SCN10A: variants seen among roughly 807,000 people sequenced by gnomAD.
SCN10A encodes the protein sodium voltage-gated channel alpha subunit 10.
In SCN10A, 162 loss-of-function variants were observed where a neutral mutation model predicts 170.7. The ratio of observed to expected loss-of-function variants is 0.95; its 90% CI spans 0.84 to 1.08. The LOEUF is 1.08. SCN10A is among the 50% of genes least tolerant of loss of function. SCN10A has a pLI of 0.00. For missense variants in SCN10A, 2,527 were observed against 2,436.9 expected, an observed-to-expected ratio of 1.04 and a Z score of -0.78; for synonymous variants, 985 against 904.6, an observed-to-expected ratio of 1.09 and a Z score of -1.59.
At chr3:38,781,341 T>C (rs1039988739) in intron 4 of SCN10A, among the ~76,000 whole-genome samples, 128 of 152,168 alleles carry the variant, frequency 8.4e-4, no homozygotes, top group Non-Finnish European at 7.6e-4. Context: ...AGCAAAGCCA[T>C]TACATCTGAG....
At chr3:38,728,482 A>C in intron 16 of SCN10A, 60 bp downstream of exon 16, 4 of 1,475,494 alleles carry the variant, frequency 2.7e-6, no homozygotes, top group Non-Finnish European at 3.6e-6. Flanking sequence ...TTTTTCAGAT[A>C]ACCCAGAAGC....
intron 2 of SCN10A, among the ~76,000 whole-genome samples, chr3:38,793,066 C>T (rs2126061013): frequency 6.6e-6 from 1 of 151,844 alleles, no homozygotes; most frequent in South Asian, 2.1e-4. Context: ...TGTATACACA[C>T]ATATATACAT....
chr3:38,742,377 A>G lies in SCN10A; in HGVS notation c.2020T>C (p.Cys674Arg), dbSNP rs774892364. 1.2e-6 allele frequency: 2 copies of G among 1,614,198 alleles called. No individual in the cohort carries two copies. Among genetic ancestry groups the G allele is most frequent in the Non-Finnish European group, 8.5e-7 (1 of 1,180,016 alleles). The change falls in exon 14 of 28, where the codon TGC (cysteine) becomes CGC (arginine). Residue 674 changes from cysteine (C) to arginine (R), a missense_variant. Physicochemically the swap from Cys to Arg is radical, Grantham distance 180. Transcript: ENST00000449082. ...DPFAELTITL[C>R]IVVNTIFMAM... is the part of the protein sequence containing the mutation. ...ATGAAGATGGTGTTCACCACGATGC[A>G]CAAGGTGATGGTGAGCTCTGCAAAG...
intron 3 of SCN10A, among the ~76,000 whole-genome samples, chr3:38,790,701 A>C (rs1481468416): frequency 6.6e-6 from 1 of 152,060 alleles, no homozygotes; most frequent in African/African-American, 2.4e-5. Flanking sequence ...CGCAGGATGC[A>C]GGCTGGACTT....
rs79488985 is a variant in SCN10A at position 38,800,044 on chromosome 3, G to A, written c.-32-6002C>T. Reference sequence around the variant, plus strand: ...GGGTTACACTATTCTCAGAAAGTTTGTCAGCCCTAGAGCTAGTCTGGAGGT... The same window carrying A: ...GGGTTACACTATTCTCAGAAAGTTTATCAGCCCTAGAGCTAGTCTGGAGGT... On this transcript the variant is annotated intron_variant, in intron 1 of 27. Coordinates refer to ENST00000449082, the MANE Select transcript of SCN10A (RefSeq NM_006514.4). Among the ~76,000 whole-genome samples, 580 of 152,236 alleles carry A rather than the reference G, an allele frequency of 3.8e-3. 5 individuals are homozygous for A. The highest frequency in any genetic ancestry group is 0.01 in the African/African-American group (431 of 41,554).
chr3:38,759,708 C>T (rs2063847147), intron 8 of SCN10A, among the ~76,000 whole-genome samples: 1 of 152,140 alleles, frequency 6.6e-6, no homozygotes, highest in Non-Finnish European at 1.5e-5. Flanking sequence ...ATATAAAAAT[C>T]TAAATTTCCT....
intron 25 of SCN10A, 99 bp from the exon 26 acceptor site, chr3:38,707,482 C>T: frequency 2.4e-6 from 3 of 1,226,854 alleles, no homozygotes; most frequent in Non-Finnish European, 3.5e-6. Flanking sequence ...AACCTTCTCC[C>T]CTCCTCTGCA....
Position 38,698,261 on chromosome 3 carries a change from G to A in SCN10A, c.4959C>T (p.Cys1653=), listed in dbSNP as rs150301002. The A allele has an allele frequency of 5.0e-6, 8 of 1,614,068 alleles. No homozygotes were observed. In the African/African-American group the frequency reaches 9.3e-5, roughly 19 times the overall value. ...CGGCCGACGTGGTAATCTGGAAGAGGCACAGCATGCTGTTGGCGAAGGTCT... is the reference window on the plus strand; with the variant it reads ...CGGCCGACGTGGTAATCTGGAAGAGACACAGCATGCTGTTGGCGAAGGTCT... ...NFQTFANSML[C]LFQITTSAGW... Residue 1653 remains cysteine, a synonymous_variant, in exon 28 of 28, where the codon TGC becomes TGT. Transcript: ENST00000449082.
intron 26 of SCN10A, among the ~76,000 whole-genome samples, chr3:38,703,929 T>C (rs1462896956): frequency 6.6e-6 from 1 of 152,220 alleles, no homozygotes; most frequent in African/African-American, 2.4e-5. Flanking sequence ...ACAGATGCTC[T>C]GCAAATTTGT....
intron 4 of SCN10A, among the ~76,000 whole-genome samples, chr3:38,785,144 T>C (rs560964601): frequency 2.0e-5 from 3 of 152,290 alleles, no homozygotes; most frequent in African/African-American, 7.2e-5. Context: ...TTAAATTTCA[T>C]GTGGAACAAA....
intron 27 of SCN10A, among the ~76,000 whole-genome samples, chr3:38,699,267 T>A (rs1270409110): frequency 6.6e-6 from 1 of 151,924 alleles, no homozygotes; most frequent in East Asian, 1.9e-4. Flanking sequence ...ATAGGTTTTT[T>A]TGGGGGAGTC....
intron 1 of SCN10A, among the ~76,000 whole-genome samples, chr3:38,797,345 G>A (rs2064346639): frequency 6.6e-6 from 1 of 152,134 alleles, no homozygotes; most frequent in African/African-American, 2.4e-5. Flanking sequence ...CCTGGGAGGA[G>A]CACTCACTGC....
chr3:38,723,408 G>C lies in SCN10A; in HGVS notation c.3352+22C>G, dbSNP rs1319141008. The stretch of plus-strand genomic sequence containing the variant: ...GGCCCTAATTAACATCAGTGTGAGG[G>C]GGCCTGTGGCTGTCCCTTCACCTTC... On this transcript the variant is annotated intron_variant, in intron 19 of 27. Transcript: ENST00000449082. 3.1e-6 allele frequency: 5 copies of C among 1,613,838 alleles called. No homozygotes were observed. The East Asian group carries it at 8.9e-5, about 29-fold the overall frequency.
chr3:38,793,547 A>G (rs185525142), intron 2 of SCN10A, among the ~76,000 whole-genome samples, 194 bp downstream of exon 2: 49 of 152,292 alleles, frequency 3.2e-4, no homozygotes, highest in Middle Eastern at 3.4e-3. Context: ...GTTAGTTTCT[A>G]TCATAAATGT....
chr3:38,715,556 G>C (rs1425001864), intron 21 of SCN10A, among the ~76,000 whole-genome samples: 1 of 152,116 alleles, frequency 6.6e-6, no homozygotes, highest in Non-Finnish European at 1.5e-5. Flanking sequence ...GAGCATACTT[G>C]TGTCTGTGCC....
At chr3:38,708,291 G>A (rs1189656106) in intron 25 of SCN10A, among the ~76,000 whole-genome samples, 1 of 152,150 alleles carries the variant, frequency 6.6e-6, no homozygotes, top group Non-Finnish European at 1.5e-5. Context: ...GGATTCAGTA[G>A]ATGCAGTTTC....
chr3:38,776,756 G>T (rs757002620), intron 4 of SCN10A, among the ~76,000 whole-genome samples: 1 of 152,052 alleles, frequency 6.6e-6, no homozygotes, highest in Non-Finnish European at 1.5e-5. Context: ...ATTGAGGAGA[G>T]AGTTGGAACA....
chr3:38,802,860 G>A (rs1326915410), intron 1 of SCN10A, among the ~76,000 whole-genome samples: 1 of 152,064 alleles, frequency 6.6e-6, no homozygotes, highest in Admixed American at 6.6e-5. Flanking sequence ...GAGTGAACAG[G>A]CAACCTACAG....
At position 38,761,169 on chromosome 3, in the gene SCN10A, C is replaced by T. The variant is rs556065157; in HGVS notation, c.883+23G>A. 13 of 1,548,628 alleles carry T rather than the reference C, an allele frequency of 8.4e-6. No individual in the cohort carries two copies. In the Admixed American group the frequency reaches 2.1e-4, roughly 25 times the overall value. On this transcript the variant is annotated intron_variant, in intron 7 of 27. Coordinates refer to ENST00000449082, the MANE Select transcript of SCN10A (RefSeq NM_006514.4). The stretch of plus-strand genomic sequence containing the variant: ...CCAAGGGTCCAACCAGACCTTGGTC[C>T]CTATGGAAGAGACTCCACTCACGTT...
Sources: allele counts gnomAD v4.1 joint callset (sites outside exome capture counted in the v4.1 genomes callset), GRCh38; gene constraint gnomAD v4.1.1; transcripts MANE v1.5; gene names NCBI Gene and HGNC (gene_info 2026-07-23, HGNC 2026-07-21).